Variants in NEDD4L observed in about 807,000 individuals in gnomAD.
The protein encoded by NEDD4L is NEDD4 like E3 ubiquitin protein ligase.
A neutral mutation model predicts 148.9 loss-of-function variants in NEDD4L; 54 were observed. That is an observed-to-expected ratio of 0.36 (90% CI 0.29 to 0.45). The LOEUF is 0.45. Among genes scored for constraint, NEDD4L ranks in the 20% least tolerant of loss-of-function variants. NEDD4L has a pLI of 1.00. For missense variants in NEDD4L, 856 were observed against 1,233.8 expected (o/e 0.69, Z 4.59); for synonymous variants, 433 against 440.7 (o/e 0.98, Z 0.22).
At chr18:58,249,700 T>G (rs2047670333) in intron 4 of NEDD4L, among the ~76,000 whole-genome samples, 1 of 152,248 alleles carries the variant, frequency 6.6e-6, no homozygotes, top group Non-Finnish European at 1.5e-5. Flanking sequence ...TTCTGATTAG[T>G]GCAGATTTCC....
In NEDD4L at chr18:58,149,621, A is replaced by G; in HGVS notation, c.49-16167A>G. 2.0e-5 allele frequency: 21 copies of G among 1,072,002 alleles called. No homozygotes were observed. In the South Asian group the frequency reaches 2.8e-4, roughly 14 times the overall value. 66.4% of individuals were successfully genotyped at this position (1,072,002 alleles called of 1,614,324 possible). ...GGTTTTACCTTCCTGTGGCATTCTG[A>G]AGCTCTCCACATCCACCCATAGTCA... On this transcript the variant is annotated intron_variant, in intron 1 of 30. Coordinates refer to ENST00000400345, the MANE Select transcript of NEDD4L (RefSeq NM_001144967.3).
intron 24 of NEDD4L, among the ~76,000 whole-genome samples, chr18:58,381,873 A>G (rs934428797): frequency 2.4e-4 from 36 of 152,290 alleles, no homozygotes; most frequent in African/African-American, 7.9e-4. Context: ...TCCATCCCCA[A>G]CACGGCCTGT....
chr18:58,212,806 G>A (rs1355393365), intron 2 of NEDD4L, among the ~76,000 whole-genome samples: 1 of 151,124 alleles, frequency 6.6e-6, no homozygotes, highest in East Asian at 1.9e-4. Context: ...TGTGGCAAAA[G>A]ATACGTGATT....
chr18:58,290,404 A>G (rs913380995), intron 5 of NEDD4L, among the ~76,000 whole-genome samples: 8 of 152,076 alleles, frequency 5.3e-5, no homozygotes, highest in African/African-American at 1.7e-4. Context: ...GTAAGGTAAA[A>G]TAGATGATAC....
intron 2 of NEDD4L, among the ~76,000 whole-genome samples, chr18:58,213,818 G>A (rs1417169776): frequency 2.0e-5 from 3 of 151,960 alleles, no homozygotes; most frequent in African/African-American, 4.8e-5. Flanking sequence ...TAGATTTTAC[G>A]AGCATATTAA....
chr18:58,300,223 C>T (rs768896865), intron 5 of NEDD4L, among the ~76,000 whole-genome samples: 1 of 152,236 alleles, frequency 6.6e-6, no homozygotes, highest in Non-Finnish European at 1.5e-5. Flanking sequence ...TTGTGCAAAG[C>T]TCTTAGAATA....
intron 5 of NEDD4L, among the ~76,000 whole-genome samples, chr18:58,293,213 A>G (rs374317920): frequency 1.3e-5 from 2 of 152,230 alleles, no homozygotes; most frequent in East Asian, 1.9e-4. Flanking sequence ...CAGCCCATAC[A>G]TGGATTTGTT....
At chr18:58,295,211 T>C (rs1600825540) in intron 5 of NEDD4L, among the ~76,000 whole-genome samples, 1 of 152,248 alleles carries the variant, frequency 6.6e-6, no homozygotes, top group East Asian at 1.9e-4. Flanking sequence ...TTCACTATTA[T>C]GGTGTCATAC....
chr18:58,126,839 A>G (rs1249266852), intron 1 of NEDD4L, among the ~76,000 whole-genome samples: 4 of 152,060 alleles, frequency 2.6e-5, no homozygotes, highest in African/African-American at 4.8e-5. Flanking sequence ...GCAGGTGTCT[A>G]TTGCACCCCC....
chr18:58,302,206 T>C (rs1260830141), intron 5 of NEDD4L, among the ~76,000 whole-genome samples: 1 of 152,184 alleles, frequency 6.6e-6, no homozygotes, highest in Non-Finnish European at 1.5e-5. Flanking sequence ...TGTATACACA[T>C]TGGTGAATAG....
chr18:58,255,621 T>C (rs2048421218), intron 5 of NEDD4L: 1 of 1,232,476 alleles, frequency 8.1e-7, no homozygotes, highest in Non-Finnish European at 1.0e-6. Flanking sequence ...GCCCTAGCCC[T>C]CCTGGCCCCC....
At chr18:58,083,780 A>C (rs1292859499) in intron 1 of NEDD4L, among the ~76,000 whole-genome samples, 1 of 152,242 alleles carries the variant, frequency 6.6e-6, no homozygotes, top group African/African-American at 2.4e-5. Context: ...TATCCATACA[A>C]TGAATGCTAT....
chr18:58,058,926 C>A (rs1399929859), intron 1 of NEDD4L, among the ~76,000 whole-genome samples: 1 of 152,212 alleles, frequency 6.6e-6, no homozygotes, highest in African/African-American at 2.4e-5. Context: ...GATTTATCTC[C>A]AGTCCCAAGC....
chr18:58,225,145 G>A (rs867649469), intron 2 of NEDD4L, among the ~76,000 whole-genome samples: 1 of 152,122 alleles, frequency 6.6e-6, no homozygotes, highest in East Asian at 1.9e-4. Flanking sequence ...TATTGGGGGG[G>A]AAGAGAATGA....
intron 8 of NEDD4L, 29 bp downstream of exon 8, chr18:58,323,363 T>C (rs1282226740): frequency 2.7e-6 from 3 of 1,131,420 alleles, no homozygotes; most frequent in African/African-American, 1.5e-5. Flanking sequence ...GCCTCTCTCC[T>C]TGCCTTGAGA....
At chr18:58,255,790 C>T (rs781436594) in intron 5 of NEDD4L, 1 of 1,232,632 alleles carries the variant, frequency 8.1e-7, no homozygotes, top group Non-Finnish European at 1.0e-6. Flanking sequence ...TCGCCCAGAA[C>T]GGAGGGGAGG....
intron 1 of NEDD4L, among the ~76,000 whole-genome samples, chr18:58,156,010 T>A (rs553834854): frequency 6.6e-6 from 1 of 152,324 alleles, no homozygotes; most frequent in Non-Finnish European, 1.5e-5. Flanking sequence ...CAGGTTTATC[T>A]CTCCTCTGTC....
chr18:58,143,472 C>G (rs1325203728), intron 1 of NEDD4L, among the ~76,000 whole-genome samples: 1 of 152,154 alleles, frequency 6.6e-6, no homozygotes, highest in Non-Finnish European at 1.5e-5. Context: ...CCTTATCTGC[C>G]GAAATGCCCG....
At chr18:58,084,977 G>A (rs2083682500) in intron 1 of NEDD4L, among the ~76,000 whole-genome samples, 1 of 151,880 alleles carries the variant, frequency 6.6e-6, no homozygotes, top group African/African-American at 2.4e-5. Flanking sequence ...TTGCAGGTGT[G>A]AGCCACTGCG....
Sources: allele counts gnomAD v4.1 joint callset (sites outside exome capture counted in the v4.1 genomes callset), GRCh38; gene constraint gnomAD v4.1.1; transcripts MANE v1.5; gene names NCBI Gene and HGNC (gene_info 2026-07-23, HGNC 2026-07-21).